SMYD2: variants seen among roughly 807,000 people sequenced by gnomAD.
SMYD2 encodes the protein SET and MYND domain containing 2, also known as N-lysine methyltransferase SMYD2.
SMYD2 carries 53 observed loss-of-function variants against 59.1 expected under a neutral mutation model. That is an observed-to-expected ratio of 0.90 (90% CI 0.72 to 1.13). SMYD2 has a LOEUF of 1.13. Ranked by LOEUF, SMYD2 falls within the 50% of genes most tolerant of loss-of-function variation. The pLI is 0.00. For synonymous variants in SMYD2, 208 were observed against 198.8 expected (o/e 1.05, Z -0.39); for missense variants, 494 against 544.7 (o/e 0.91, Z 0.93).
intron 1 of SMYD2, among the ~76,000 whole-genome samples, chr1:214,296,642 T>C (rs915309831): frequency 2.6e-5 from 4 of 152,240 alleles, no homozygotes; most frequent in Admixed American, 2.0e-4. Context: ...TGCTTGCATT[T>C]TCTCATTTAA....
chr1:214,325,719 T>C (rs1657248948), intron 6 of SMYD2, among the ~76,000 whole-genome samples: 2 of 151,506 alleles, frequency 1.3e-5, no homozygotes, highest in African/African-American at 4.8e-5. Flanking sequence ...ATATTTGTCC[T>C]TGGGGCCAAA....
At chr1:214,302,570 T>C (rs1284936017) in intron 1 of SMYD2, among the ~76,000 whole-genome samples, 1 of 152,190 alleles carries the variant, frequency 6.6e-6, no homozygotes, top group East Asian at 1.9e-4. Flanking sequence ...CTGAGATAGG[T>C]AGTAGAAATG....
chr1:214,295,300 C>G (rs1441805256), intron 1 of SMYD2, among the ~76,000 whole-genome samples: 1 of 152,154 alleles, frequency 6.6e-6, no homozygotes, highest in Non-Finnish European at 1.5e-5. Context: ...ACAAGAGGAG[C>G]TTCGGATATA....
intron 1 of SMYD2, among the ~76,000 whole-genome samples, chr1:214,291,622 C>T (rs1291772435): frequency 6.6e-6 from 1 of 152,162 alleles, no homozygotes; most frequent in African/African-American, 2.4e-5. Context: ...TGACTAAATA[C>T]ATTTGTTATG....
chr1:214,292,104 G>T, intron 1 of SMYD2, among the ~76,000 whole-genome samples: 1 of 151,784 alleles, frequency 6.6e-6, no homozygotes. Context: ...GAGAGAGAGA[G>T]AGAGAGAGAG....
chr1:214,330,622 T>C (rs749124741), intron 8 of SMYD2, among the ~76,000 whole-genome samples: 2 of 152,262 alleles, frequency 1.3e-5, no homozygotes, highest in Non-Finnish European at 2.9e-5. Flanking sequence ...GAAGTTTCCC[T>C]GGCATTTTCC....
intron 1 of SMYD2, among the ~76,000 whole-genome samples, chr1:214,287,230 G>T (rs1446917095): frequency 6.6e-6 from 1 of 152,068 alleles, no homozygotes; most frequent in Non-Finnish European, 1.5e-5. Flanking sequence ...TTATGGAGTT[G>T]TGGGGAGGGG....
At chr1:214,296,532 A>G (rs1416300987) in intron 1 of SMYD2, among the ~76,000 whole-genome samples, 1 of 152,200 alleles carries the variant, frequency 6.6e-6, no homozygotes, top group African/African-American at 2.4e-5. Context: ...TCAACAGTTG[A>G]CATCACTTTA....
intron 7 of SMYD2, among the ~76,000 whole-genome samples, chr1:214,329,581 C>T (rs553768240): frequency 2.0e-5 from 3 of 151,974 alleles, no homozygotes; most frequent in East Asian, 1.9e-4. Context: ...AGGAGCTGCC[C>T]GCTGGGCCAG....
In SMYD2 at chr1:214,288,175, C is replaced by T. The variant is rs146185763; in HGVS notation, c.173+6748C>T. Among the ~76,000 whole-genome samples the T allele has an allele frequency of 1.6e-3, 247 of 152,302 alleles. 1 individual carries two copies. Among genetic ancestry groups the T allele is most frequent in the African/African-American group, 5.6e-3 (231 of 41,568 alleles). On this transcript the variant is annotated intron_variant, in intron 1 of 11. Transcript: ENST00000366957. ...AGAATCCTCTCAATCAAAAAAAATT[C>T]GAAGAACCTGTATAAAATGGCATTT...
At chr1:214,319,136 G>A (rs1657131176) in intron 5 of SMYD2, among the ~76,000 whole-genome samples, 153 bp downstream of exon 5, 1 of 152,120 alleles carries the variant, frequency 6.6e-6, no homozygotes, top group Non-Finnish European at 1.5e-5. Context: ...TGTTGCCATA[G>A]CCTTGCTCAG....
At chr1:214,330,052 G>A (rs1468298322) in intron 7 of SMYD2, 116 bp from the exon 8 acceptor site, 6 of 589,096 alleles carry the variant, frequency 1.0e-5, no homozygotes, top group Middle Eastern at 2.7e-4. Flanking sequence ...GCATTCCTCC[G>A]CTGCAGCCCG....
chr1:214,335,828 T>C (rs373269896), intron 11 of SMYD2, among the ~76,000 whole-genome samples: 1 of 152,214 alleles, frequency 6.6e-6, no homozygotes, highest in Admixed American at 6.5e-5. Context: ...CATGTTACAT[T>C]GCCTCACTAT....
chr1:214,299,485 AC>A, intron 1 of SMYD2, among the ~76,000 whole-genome samples: 1 of 30,448 alleles, frequency 3.3e-5, no homozygotes, highest in Non-Finnish European at 8.4e-5. Flanking sequence ...ATATATATAC[AC>A]CATAGAATAC....
intron 5 of SMYD2, among the ~76,000 whole-genome samples, 186 bp from the exon 6 acceptor site, chr1:214,324,451 CTTGT>C (rs35383837): frequency 0.29 from 44,626 of 151,788 alleles, 6,863 homozygotes; most frequent in Non-Finnish European, 0.34. Flanking sequence ...CACAATTCTG[CTTGT>C]TTGTTTATGC....
In SMYD2 at chr1:214,336,926, A is replaced by T; in HGVS notation, c.*142A>T. On this transcript the variant is annotated 3_prime_UTR_variant, in exon 12 of 12. Transcript: ENST00000366957. Reference sequence around the variant, plus strand: ...TACTTCTTGCACTTAAACACTGCACATGCCGTACTTTGAGGTTAGTCTGAA... The same window carrying T: ...TACTTCTTGCACTTAAACACTGCACTTGCCGTACTTTGAGGTTAGTCTGAA... The T allele has an allele frequency of 1.5e-6, 1 of 646,610 alleles. No individual in the cohort carries two copies. Among genetic ancestry groups the T allele is most frequent in the Non-Finnish European group, 2.5e-6 (1 of 403,842 alleles). 40.1% of individuals were successfully genotyped at this position (646,610 alleles called of 1,614,324 possible). A position where few individuals can be genotyped will look rare whatever the true frequency, so the allele number is the denominator to read the frequency against.
At chr1:214,319,775 A>T (rs916450315) in intron 5 of SMYD2, among the ~76,000 whole-genome samples, 1 of 152,182 alleles carries the variant, frequency 6.6e-6, no homozygotes, top group African/African-American at 2.4e-5. Flanking sequence ...CAAACTGGGC[A>T]TCTAGTTTAA....
chr1:214,332,000 TC>T lies in SMYD2; in HGVS notation c.938-16del, dbSNP rs1350658719. 1.9e-6 allele frequency: 3 copies of T among 1,607,344 alleles called. No homozygotes were observed. In the African/African-American group the frequency reaches 4.0e-5, roughly 21 times the overall value. On this transcript the variant is annotated splice_polypyrimidine_tract_variant and intron_variant, in intron 9 of 11. Transcript: ENST00000366957. Reference sequence around the variant, plus strand: ...AGGCAGCTTGGGCCCGGTGGCCCTTTCCTTGACTCCACAGCACCCCCTAGTG... The same window carrying T: ...AGGCAGCTTGGGCCCGGTGGCCCTTTCTTGACTCCACAGCACCCCCTAGTG...
At chr1:214,314,729 A>G (rs953940338) in intron 2 of SMYD2, 33 bp from the exon 3 acceptor site, 9 of 1,546,836 alleles carry the variant, frequency 5.8e-6, no homozygotes, top group Admixed American at 1.7e-5. Flanking sequence ...TGTATGTGCT[A>G]TTTTTTAATA....
Sources: gnomAD v4.1 joint callset for allele counts (sites outside exome capture counted in the v4.1 genomes callset) on GRCh38, gnomAD v4.1.1 for gene constraint, MANE v1.5 for transcripts, NCBI Gene and HGNC (gene_info 2026-07-23, HGNC 2026-07-21) for gene names.